Variants in ASB3 observed in about 807,000 individuals in gnomAD.
ASB3 encodes the protein ankyrin repeat and SOCS box protein 3.
In ASB3, 41 loss-of-function variants were observed where a neutral mutation model predicts 54.5. The ratio of observed to expected loss-of-function variants is 0.75; its 90% CI spans 0.59 to 0.98. The LOEUF (loss-of-function observed/expected upper bound fraction) is 0.98, where lower values mean the gene tolerates loss of function less well. ASB3 is among the 50% of genes least tolerant of loss of function. ASB3 has a pLI of 0.00. For synonymous variants in ASB3, 266 were observed against 221.2 expected (o/e 1.20, Z -1.80); for missense variants, 733 against 620.0 (o/e 1.18, Z -1.94).
At chr2:53,683,966 C>T (rs1474134961) in intron 9 of ASB3, among the ~76,000 whole-genome samples, 8 of 151,980 alleles carry the variant, frequency 5.3e-5, no homozygotes, top group African/African-American at 1.9e-4. Flanking sequence ...CTGCTCTGAT[C>T]TTTATTATTT....
chr2:53,671,448 C>A (rs1667814072), intron 9 of ASB3, among the ~76,000 whole-genome samples: 1 of 150,900 alleles, frequency 6.6e-6, no homozygotes, highest in South Asian at 2.1e-4. Context: ...AAGGACAATT[C>A]AAATGCACAT....
At chr2:53,767,991 C>CA in intron 1 of ASB3, 2 of 1,611,462 alleles carry the variant, frequency 1.2e-6, no homozygotes, top group Non-Finnish European at 1.7e-6. Context: ...TCTGGCAGGG[C>CA]AGCACGGACC....
At chr2:53,785,306 C>T (rs1025480288) in intron 1 of ASB3, among the ~76,000 whole-genome samples, 2 of 152,140 alleles carry the variant, frequency 1.3e-5, no homozygotes, top group African/African-American at 4.8e-5. Flanking sequence ...CTCTATTGAA[C>T]ACAGATTCAA....
At chr2:53,756,985 T>A (rs1209704484) in intron 2 of ASB3, 1 of 168,186 alleles carries the variant, frequency 5.9e-6, no homozygotes, top group Non-Finnish European at 1.2e-5. Context: ...ATTCCATTCC[T>A]TGGAATCCGT....
chr2:53,766,406 T>C (rs1281343917), intron 1 of ASB3, among the ~76,000 whole-genome samples: 1 of 152,224 alleles, frequency 6.6e-6, no homozygotes, highest in Non-Finnish European at 1.5e-5. Flanking sequence ...GGAATACTTA[T>C]TTGATTACAT....
chr2:53,768,689 T>TA (rs1397370134), intron 1 of ASB3, among the ~76,000 whole-genome samples: 2 of 152,248 alleles, frequency 1.3e-5, no homozygotes, highest in African/African-American at 2.4e-5. Flanking sequence ...ATTTTAATGT[T>TA]ACTTTCTTGA....
At chr2:53,670,870 A>G (rs1463106070) in intron 9 of ASB3, among the ~76,000 whole-genome samples, 180 bp from the exon 10 acceptor site, 1 of 152,212 alleles carries the variant, frequency 6.6e-6, no homozygotes, top group Non-Finnish European at 1.5e-5. Flanking sequence ...ACAGCCTTCA[A>G]CTGGCTCCTC....
intron 7 of ASB3, among the ~76,000 whole-genome samples, chr2:53,706,680 C>T (rs978146485): frequency 1.2e-4 from 19 of 152,066 alleles, no homozygotes; most frequent in African/African-American, 4.3e-4. Context: ...CTCCTGACCT[C>T]GTGATCCGCC....
chr2:53,762,980 T>G (rs1646701515), intron 2 of ASB3, among the ~76,000 whole-genome samples: 1 of 152,184 alleles, frequency 6.6e-6, no homozygotes, highest in Non-Finnish European at 1.5e-5. Context: ...TATTTCCATT[T>G]TATTTGTGTA....
At chr2:53,749,924 A>C (rs1672425761) in intron 3 of ASB3, among the ~76,000 whole-genome samples, 1 of 152,106 alleles carries the variant, frequency 6.6e-6, no homozygotes. Context: ...AATGAATTTT[A>C]CTAAAGTACA....
At chr2:53,736,009 A>AG (rs1198333671) in intron 3 of ASB3, among the ~76,000 whole-genome samples, 1 of 151,960 alleles carries the variant, frequency 6.6e-6, no homozygotes, top group East Asian at 1.9e-4. Flanking sequence ...AAAAAAAAAA[A>AG]AAAAAGAAAG....
In ASB3 at chr2:53,693,996, A is replaced by G. The variant is rs367649992; in HGVS notation, c.1257T>C (p.Ile419=). Residue 419 remains isoleucine (I), a synonymous_variant, in exon 9 of 10, where the codon ATT becomes ATC. Transcript: ENST00000263634. ...ACTCCAAAGTGAAGATAAGGGTGTC[A>G]ATGCTGACTGAGTCAATCCTATGTT... The part of the protein sequence containing the change: ...LCNSWIDSVS[I]DTLIFTLEFT... 5.0e-6 allele frequency: 8 copies of G among 1,613,282 alleles called. No homozygotes were observed. The African/African-American group carries it at 1.1e-4, about 22-fold the overall frequency.
chr2:53,782,307 A>T (rs1674694654), intron 1 of ASB3, among the ~76,000 whole-genome samples: 1 of 152,238 alleles, frequency 6.6e-6, no homozygotes, highest in Non-Finnish European at 1.5e-5. Flanking sequence ...AAGAGAAAGC[A>T]GGTAGGATTA....
intron 7 of ASB3, among the ~76,000 whole-genome samples, chr2:53,711,266 C>T (rs1055670790): frequency 2.6e-5 from 4 of 152,206 alleles, no homozygotes; most frequent in Non-Finnish European, 5.9e-5. Context: ...AGATTCCCTA[C>T]CATTCTCTGG....
chr2:53,754,301 T>C (rs1672695179), intron 2 of ASB3, among the ~76,000 whole-genome samples: 1 of 152,114 alleles, frequency 6.6e-6, no homozygotes, highest in Admixed American at 6.5e-5. Flanking sequence ...GAATTCCAAA[T>C]AATTTATGTA....
chr2:53,714,637 G>T (rs1572893912), intron 6 of ASB3, 56 bp from the exon 7 acceptor site: 4 of 1,557,622 alleles, frequency 2.6e-6, no homozygotes, highest in Non-Finnish European at 2.6e-6. Context: ...ATAAATGTAG[G>T]CAACATTTCT....
At chr2:53,736,915 C>T (rs1030787121) in intron 3 of ASB3, among the ~76,000 whole-genome samples, 5 of 151,936 alleles carry the variant, frequency 3.3e-5, no homozygotes, top group African/African-American at 9.7e-5. Context: ...ACCCAGGAAG[C>T]GGAGGTTGCA....
At position 53,679,710 on chromosome 2, in the gene ASB3, A is replaced by G. The variant is rs547120440; in HGVS notation, c.1370-9020T>C. On this transcript the variant is annotated intron_variant, in intron 9 of 9. Coordinates refer to ENST00000263634, the MANE Select transcript of ASB3 (RefSeq NM_016115.5). ...CTTTTAGCCACTGTACTAATCAAAG[A>G]ACTATGTTCACTTTATTTTTTCATT... Among the ~76,000 whole-genome samples the G allele has an allele frequency of 4.6e-5, 7 of 152,320 alleles. No homozygotes were observed. In the East Asian group the frequency reaches 1.2e-3, roughly 25 times the overall value.
intron 5 of ASB3, among the ~76,000 whole-genome samples, chr2:53,727,629 T>C (rs1344325999): frequency 2.0e-5 from 3 of 152,192 alleles, no homozygotes. Context: ...GAGCAAGGCC[T>C]GGCCTCAATC....
Sources: gnomAD v4.1 joint callset for allele counts (sites outside exome capture counted in the v4.1 genomes callset) on GRCh38, gnomAD v4.1.1 for gene constraint, MANE v1.5 for transcripts, NCBI Gene and HGNC (gene_info 2026-07-23, HGNC 2026-07-21) for gene names.